RYR2: variants seen among roughly 807,000 people sequenced by gnomAD.
The protein encoded by RYR2 is cardiac muscle ryanodine receptor-calcium release channel.
Under a neutral mutation model 601.1 loss-of-function variants are expected in RYR2, and 227 were observed. That is an observed-to-expected ratio of 0.38 (90% confidence interval 0.34 to 0.42). The LOEUF (loss-of-function observed/expected upper bound fraction) is 0.42, where lower values mean the gene tolerates loss of function less well. Among genes scored for constraint, RYR2 ranks in the 10% least tolerant of loss-of-function variants. RYR2 has a pLI of 1.00. For synonymous variants in RYR2, 2,223 were observed against 2,175.1 expected, an observed-to-expected ratio of 1.02 and a Z score of -0.61; for missense variants, 4,646 against 6,156.5, an observed-to-expected ratio of 0.75 and a Z score of 8.21.
chr1:237,757,472 G>GT (rs1390853155), intron 81 of RYR2, among the ~76,000 whole-genome samples: 1 of 151,938 alleles, frequency 6.6e-6, no homozygotes, highest in Admixed American at 6.6e-5. Context: ...TCTTCTTATG[G>GT]TTTCAGTTCT....
intron 2 of RYR2, among the ~76,000 whole-genome samples, chr1:237,307,650 G>A (rs1164354619): frequency 6.6e-6 from 1 of 152,004 alleles, no homozygotes; most frequent in Non-Finnish European, 1.5e-5. Context: ...AAACTTCAGG[G>A]CTCCTGAAAT....
At chr1:237,481,648 C>T (rs1056068924) in intron 17 of RYR2, among the ~76,000 whole-genome samples, 6 of 151,944 alleles carry the variant, frequency 3.9e-5, no homozygotes, top group African/African-American at 1.2e-4. Context: ...AGATGCAATG[C>T]GTAAGTTATC....
chr1:237,442,869 C>G (rs931429940), intron 13 of RYR2, among the ~76,000 whole-genome samples: 4 of 152,130 alleles, frequency 2.6e-5, no homozygotes, highest in African/African-American at 9.7e-5. Flanking sequence ...TTGTATATAA[C>G]TCGAACTAGA....
chr1:237,788,047 G>C lies in RYR2; in HGVS notation c.13388G>C (p.Arg4463Thr). ...GAAGACAAGGGCAAACAAAAGTTGAGGCAGCTTCACACACACAGATACGGA... is the reference window on the plus strand; with the variant it reads ...GAAGACAAGGGCAAACAAAAGTTGACGCAGCTTCACACACACAGATACGGA... Reference protein sequence around the residue: ...AKEDKGKQKLRQLHTHRYGEP... With the variant: ...AKEDKGKQKLTQLHTHRYGEP... The change falls in exon 92 of 105, where the codon AGG becomes ACG. Residue 4463 changes from arginine (R) to threonine (T), a missense_variant. Physicochemically the swap from Arg to Thr is moderately conservative, Grantham distance 71. Around this residue, in one of 17 missense-constraint regions of RYR2, gnomAD observed 364 missense variants for 442.9 expected, o/e 0.82. Transcript: ENST00000366574. The C allele has an allele frequency of 6.2e-7, 1 of 1,610,182 alleles. No individual in the cohort carries two copies. The highest frequency in any genetic ancestry group is 8.5e-7 in the Non-Finnish European group (1 of 1,177,948).
intron 92 of RYR2, 96 bp from the exon 93 acceptor site, chr1:237,791,333 T>C: frequency 1.4e-6 from 1 of 715,954 alleles, no homozygotes; most frequent in African/African-American, 1.7e-5. Flanking sequence ...TTGCGATCAA[T>C]TGTTTGGGGT....
intron 1 of RYR2, among the ~76,000 whole-genome samples, chr1:237,073,105 A>G (rs1028174516): frequency 2.0e-5 from 3 of 152,172 alleles, no homozygotes; most frequent in African/African-American, 7.2e-5. Flanking sequence ...GAGGATTGTT[A>G]TAAGGAGTTA....
intron 1 of RYR2, among the ~76,000 whole-genome samples, chr1:237,212,445 T>G (rs1157196287): frequency 6.6e-6 from 1 of 152,132 alleles, no homozygotes; most frequent in African/African-American, 2.4e-5. Context: ...GAGAACTTGT[T>G]GAATTCTTTT....
chr1:237,071,127 A>G (rs1299051913), intron 1 of RYR2, among the ~76,000 whole-genome samples: 8 of 152,192 alleles, frequency 5.3e-5, no homozygotes, highest in African/African-American at 1.9e-4. Context: ...TTCATTGAGT[A>G]AAAGAACAAC....
intron 35 of RYR2, among the ~76,000 whole-genome samples, chr1:237,605,813 C>T (rs1412123472): frequency 6.6e-6 from 1 of 152,082 alleles, no homozygotes; most frequent in African/African-American, 2.4e-5. Context: ...AACTCCCATT[C>T]ACAATTGCTT....
intron 1 of RYR2, among the ~76,000 whole-genome samples, chr1:237,148,553 T>TATATATATATAC (rs71178397): frequency 0.026 from 2,709 of 102,706 alleles, 38 homozygotes; most frequent in Non-Finnish European, 0.033. Context: ...TATATATATA[T>TATATATATATAC]ACACACACAC....
intron 1 of RYR2, among the ~76,000 whole-genome samples, chr1:237,225,997 G>A (rs543405169): frequency 5.3e-5 from 8 of 151,834 alleles, no homozygotes; most frequent in Non-Finnish European, 1.2e-4. Flanking sequence ...GGAGGTTGCA[G>A]TGAGCAGAGA....
chr1:237,744,349 T>TAAAAAAAAAAAAAA (rs752916603), intron 80 of RYR2, among the ~76,000 whole-genome samples: 1 of 141,064 alleles, frequency 7.1e-6, no homozygotes, highest in Non-Finnish European at 1.5e-5. Flanking sequence ...TTTGTTTGTT[T>TAAAAAAAAAAAAAA]AAAAAAAAAA....
intron 17 of RYR2, among the ~76,000 whole-genome samples, chr1:237,486,846 T>C (rs1558901636): frequency 6.6e-6 from 1 of 152,172 alleles, no homozygotes; most frequent in Non-Finnish European, 1.5e-5. Flanking sequence ...TTAAAATATG[T>C]ATTTTATACA....
In RYR2 at chr1:237,548,497, A is replaced by G. The variant is rs2253273; in HGVS notation, c.2973A>G (p.Ser991=). 1,516,605 of 1,613,830 alleles carry G rather than the reference A, an allele frequency of 0.94. 717,552 individuals carry two copies. Among genetic ancestry groups the G allele is most frequent in the South Asian group, 0.97 (88,156 of 91,056 alleles). ...MDLSFIKLTP[S]QEAMVDKLAE... is the part of the protein sequence containing the mutation. ...TGAGCTTTATCAAACTCACCCCATCACAAGAAGCAATGGTGGACAAGTTGG... is the reference window on the plus strand; with the variant it reads ...TGAGCTTTATCAAACTCACCCCATCGCAAGAAGCAATGGTGGACAAGTTGG... Residue 991 remains serine (S), a synonymous_variant, in exon 26 of 105, where the codon TCA becomes TCG. Transcript: ENST00000366574.
intron 73 of RYR2, among the ~76,000 whole-genome samples, chr1:237,721,719 C>T (rs1006386357): frequency 3.9e-5 from 6 of 152,226 alleles, no homozygotes; most frequent in Middle Eastern, 3.4e-3. Flanking sequence ...GAGGTTTCAC[C>T]ATGTTGGCCA....
At chr1:237,789,626 C>T (rs915326924) in intron 92 of RYR2, among the ~76,000 whole-genome samples, 1 of 151,284 alleles carries the variant, frequency 6.6e-6, no homozygotes, top group Non-Finnish European at 1.5e-5. Context: ...GCTGCAGCAC[C>T]CCAGTGGGTT....
chr1:237,426,974 A>G (rs372188828), intron 12 of RYR2, among the ~76,000 whole-genome samples: 1 of 152,356 alleles, frequency 6.6e-6, no homozygotes, highest in East Asian at 1.9e-4. Context: ...TAGGTGCTCC[A>G]GTTGCCTTCT....
chr1:237,687,366 C>CTTTTTTTT (rs10679267), intron 62 of RYR2, 89 bp from the exon 63 acceptor site: 127 of 259,062 alleles, frequency 4.9e-4, no homozygotes, highest in Admixed American at 1.0e-3. Context: ...TTTTCTTCTT[C>CTTTTTTTT]TTTTTTTTTT....
At chr1:237,201,475 C>A (rs1681186843) in intron 1 of RYR2, among the ~76,000 whole-genome samples, 1 of 152,136 alleles carries the variant, frequency 6.6e-6, no homozygotes, top group Non-Finnish European at 1.5e-5. Flanking sequence ...GTTTTTCTGG[C>A]CATTCCAGGG....
Sources: allele counts gnomAD v4.1 joint callset (sites outside exome capture counted in the v4.1 genomes callset), GRCh38; gene constraint gnomAD v4.1.1; regional missense constraint gnomAD v4.1.1; transcripts MANE v1.5; gene names NCBI Gene and HGNC (gene_info 2026-07-23, HGNC 2026-07-21).